The following TBC1D8 variants were observed in gnomAD, a reference collection of about 807,000 sequenced individuals.
The protein encoded by TBC1D8 is TBC1 domain family member 8.
TBC1D8 carries 65 observed loss-of-function variants against 118.8 expected under a neutral mutation model. The ratio of observed to expected loss-of-function variants is 0.55; its 90% CI spans 0.45 to 0.67. The LOEUF (loss-of-function observed/expected upper bound fraction) is 0.67, where lower values mean the gene tolerates loss of function less well. TBC1D8 is among the 30% of genes least tolerant of loss of function. The pLI is 0.00. For synonymous variants in TBC1D8, 566 were observed against 595.8 expected (o/e 0.95, Z 0.73); for missense variants, 1,376 against 1,471.2 (o/e 0.94, Z 1.06).
intron 2 of TBC1D8, among the ~76,000 whole-genome samples, chr2:101,083,080 C>T (rs183745836): frequency 6.6e-6 from 1 of 152,222 alleles, no homozygotes; most frequent in African/African-American, 2.4e-5. Flanking sequence ...GCAGAAAGCG[C>T]CCAAGGAGTT....
chr2:101,096,419 CAAA>C (rs55824667), intron 1 of TBC1D8, among the ~76,000 whole-genome samples: 950 of 43,582 alleles, frequency 0.022, no homozygotes, highest in African/African-American at 0.07. Context: ...TGGCTTTTGA[CAAA>C]AAAAAAAAAA....
At chr2:101,145,866 C>G (rs1162200521) in intron 1 of TBC1D8, among the ~76,000 whole-genome samples, 2 of 152,190 alleles carry the variant, frequency 1.3e-5, no homozygotes, top group East Asian at 3.8e-4. Context: ...AATATTTCAT[C>G]TTTTAATTAC....
intron 12 of TBC1D8, 91 bp downstream of exon 12, chr2:101,029,400 A>C: frequency 6.9e-7 from 1 of 1,446,512 alleles, no homozygotes; most frequent in South Asian, 1.4e-5. Flanking sequence ...TCAATAAAAA[A>C]AAAAAAAAAC....
chr2:101,095,400 C>CT (rs1022462459), intron 1 of TBC1D8, among the ~76,000 whole-genome samples: 4 of 134,980 alleles, frequency 3.0e-5, no homozygotes, highest in South Asian at 2.9e-4. Context: ...ATCTCCCCCC[C>CT]CCTCCCCCCA....
chr2:101,054,672 C>CTTTTCTTTTTTTTCTTTTTTTT (rs1682299347), intron 3 of TBC1D8, among the ~76,000 whole-genome samples: 1 of 25,436 alleles, frequency 3.9e-5, no homozygotes, highest in South Asian at 2.2e-3. Context: ...CTTTTCTTTT[C>CTTTTCTTTTTTTTCTTTTTTTT]TTTTTTTTTT....
chr2:101,045,875 C>T (rs772012855), intron 5 of TBC1D8, among the ~76,000 whole-genome samples: 1 of 152,140 alleles, frequency 6.6e-6, no homozygotes, highest in Admixed American at 6.5e-5. Flanking sequence ...CACCTATAAT[C>T]CCAGCTACAC....
intron 2 of TBC1D8, among the ~76,000 whole-genome samples, chr2:101,085,385 AG>A (rs1303210582): frequency 6.6e-6 from 1 of 151,972 alleles, no homozygotes; most frequent in African/African-American, 2.4e-5. Context: ...AAGCCAACCT[AG>A]GGGGGAGAAA....
chr2:101,044,257 T>C (rs780989972), intron 5 of TBC1D8, among the ~76,000 whole-genome samples: 2 of 152,220 alleles, frequency 1.3e-5, no homozygotes, highest in Non-Finnish European at 2.9e-5. Flanking sequence ...GTCTTCCAAT[T>C]TCACCATTCG....
intron 2 of TBC1D8, among the ~76,000 whole-genome samples, chr2:101,070,001 C>T (rs1683225183): frequency 1.3e-5 from 2 of 151,604 alleles, no homozygotes; most frequent in Admixed American, 6.6e-5. Flanking sequence ...CTGCAACCTC[C>T]GCCTCCTGGG....
At position 101,090,193 on chromosome 2, in the gene TBC1D8, C is replaced by A. The variant is rs761315561; in HGVS notation, c.283+16G>T. 7 of 1,607,220 alleles carry A rather than the reference C, an allele frequency of 4.4e-6. No individual in the cohort carries two copies. The Admixed American group carries it at 8.5e-5, about 20-fold the overall frequency. On this transcript the variant is annotated intron_variant, in intron 2 of 19. Transcript: ENST00000409318. ...CACCTTAAGGTTTGGAACATTCCAACTGGAACAAAACTCACCAGTGGCTAT... is the reference window on the plus strand; with the variant it reads ...CACCTTAAGGTTTGGAACATTCCAAATGGAACAAAACTCACCAGTGGCTAT...
chr2:101,072,128 CT>C lies in TBC1D8; in HGVS notation c.284-12590del, dbSNP rs557240174. Among the ~76,000 whole-genome samples the C allele has an allele frequency of 5.9e-5, 9 of 152,286 alleles. No homozygotes were observed. The South Asian group carries it at 1.7e-3, about 28-fold the overall frequency. ...TAAGCAGTAATACTTTGAAAGGTAT[CT>C]TTTTTTCTGAGCATTAGGTCTCAAC... On this transcript the variant is annotated intron_variant, in intron 2 of 19. Coordinates refer to ENST00000409318, the MANE Select transcript of TBC1D8 (RefSeq NM_001330348.2).
chr2:101,035,851 A>G (rs999500285), intron 9 of TBC1D8, among the ~76,000 whole-genome samples, 167 bp downstream of exon 9: 9 of 152,340 alleles, frequency 5.9e-5, no homozygotes, highest in South Asian at 2.1e-4. Flanking sequence ...CCCAGGTCCC[A>G]CAGCTGACAC....
At chr2:101,067,826 A>C (rs1444506746) in intron 2 of TBC1D8, among the ~76,000 whole-genome samples, 1 of 152,236 alleles carries the variant, frequency 6.6e-6, no homozygotes, top group African/African-American at 2.4e-5. Flanking sequence ...CATTTTGCCC[A>C]CAGTAAAACT....
At chr2:101,052,110 A>G (rs1682112725) in intron 4 of TBC1D8, among the ~76,000 whole-genome samples, 1 of 152,252 alleles carries the variant, frequency 6.6e-6, no homozygotes, top group African/African-American at 2.4e-5. Context: ...GGTTTCAAAA[A>G]CAGCATTCAC....
In TBC1D8 at chr2:101,054,300, C is replaced by T. The variant is rs200227901; in HGVS notation, c.439G>A (p.Glu147Lys). ...IAEETSSRLA[E>K]QEEEPEKFRE... ...AATTTCTCGGGTTCCTCCTCCTGCTCGGCGAGCCTGCTGCTGGTCTCCTCG... is the reference window on the plus strand; with the variant it reads ...AATTTCTCGGGTTCCTCCTCCTGCTTGGCGAGCCTGCTGCTGGTCTCCTCG... The change falls in exon 4 of 20, where the codon GAG becomes AAG. Residue 147 changes from glutamate to lysine, a missense_variant. By Grantham distance (56) the Glu-to-Lys change is moderately conservative. Transcript: ENST00000409318. 1.6e-3 allele frequency: 2,444 copies of T among 1,576,760 alleles called. 3 individuals carry two copies. Among genetic ancestry groups the T allele is most frequent in the Non-Finnish European group, 2.0e-3 (2,285 of 1,160,756 alleles).
At chr2:101,116,064 A>T (rs1677804056) in intron 1 of TBC1D8, among the ~76,000 whole-genome samples, 1 of 152,242 alleles carries the variant, frequency 6.6e-6, no homozygotes, top group African/African-American at 2.4e-5. Context: ...TATAGCTATA[A>T]GAACGGAAAC....
At chr2:101,036,311 C>T in intron 8 of TBC1D8, 143 bp from the exon 9 acceptor site, 1 of 910,258 alleles carries the variant, frequency 1.1e-6, no homozygotes. Context: ...TGTATTCAAG[C>T]CGCAAATATT....
intron 2 of TBC1D8, among the ~76,000 whole-genome samples, chr2:101,075,756 C>T (rs1674773041): frequency 6.6e-6 from 1 of 152,104 alleles, no homozygotes; most frequent in Non-Finnish European, 1.5e-5. Flanking sequence ...ATAAATTGTC[C>T]AGTCTCAGGC....
At chr2:101,086,945 G>A (rs967580263) in intron 2 of TBC1D8, among the ~76,000 whole-genome samples, 3 of 151,810 alleles carry the variant, frequency 2.0e-5, no homozygotes, top group African/African-American at 4.8e-5. Context: ...AACCACCCCT[G>A]GCTAATTTCT....
Sources: allele counts gnomAD v4.1 joint callset (sites outside exome capture counted in the v4.1 genomes callset), GRCh38; gene constraint gnomAD v4.1.1; transcripts MANE v1.5; gene names NCBI Gene and HGNC (gene_info 2026-07-23, HGNC 2026-07-21).